Variants in SOX5 observed in about 807,000 individuals in gnomAD.
SOX5 encodes the protein transcription factor SOX-5.
In SOX5, 9 loss-of-function variants were observed where a neutral mutation model predicts 92.0. The ratio of observed to expected loss-of-function variants is 0.10; its 90% CI spans 0.06 to 0.17. The LOEUF is 0.17. Among genes scored for constraint, SOX5 ranks in the 10% least tolerant of loss-of-function variants. The pLI, the probability that SOX5 is intolerant of heterozygous loss-of-function variation, is 1.00. For missense variants in SOX5, 642 were observed against 944.5 expected (o/e 0.68, Z 4.20); for synonymous variants, 344 against 336.3 (o/e 1.02, Z -0.25).
chr12:23,797,912 T>C (rs1013534281), intron 3 of SOX5, among the ~76,000 whole-genome samples: 2 of 151,010 alleles, frequency 1.3e-5, no homozygotes, highest in Non-Finnish European at 3.0e-5. Flanking sequence ...GCTTCAAAAC[T>C]GTCAGGTCCT....
chr12:24,426,836 GC>G (rs1359841814), intron 1 of SOX5, among the ~76,000 whole-genome samples: 1 of 151,976 alleles, frequency 6.6e-6, no homozygotes, highest in Non-Finnish European at 1.5e-5. Context: ...TCTCTGGAAA[GC>G]CCTTGTCTTT....
At chr12:24,200,860 C>T (rs923789761) in intron 4 of SOX5, among the ~76,000 whole-genome samples, 1 of 152,200 alleles carries the variant, frequency 6.6e-6, no homozygotes, top group African/African-American at 2.4e-5. Context: ...AAACAATCCA[C>T]AGAATTTTAT....
At chr12:24,519,317 G>A (rs1950067832) in intron 1 of SOX5, among the ~76,000 whole-genome samples, 1 of 152,042 alleles carries the variant, frequency 6.6e-6, no homozygotes, top group Non-Finnish European at 1.5e-5. Context: ...CTCCTTAAAG[G>A]AGGCAAGAAA....
intron 2 of SOX5, among the ~76,000 whole-genome samples, chr12:24,316,650 GAATAATGAA>G (rs1949720819): frequency 6.6e-6 from 1 of 152,142 alleles, no homozygotes; most frequent in Non-Finnish European, 1.5e-5. Context: ...ATGTACATAG[GAATAATGAA>G]ATAGGACTGT....
intron 3 of SOX5, among the ~76,000 whole-genome samples, chr12:23,782,116 G>C (rs2095292647): frequency 1.3e-5 from 2 of 151,728 alleles, no homozygotes. Context: ...ATTAAGTAGT[G>C]GTATAATTTC....
At chr12:23,882,135 G>A (rs1163003650) in intron 2 of SOX5, among the ~76,000 whole-genome samples, 1 of 152,148 alleles carries the variant, frequency 6.6e-6, no homozygotes, top group African/African-American at 2.4e-5. Context: ...ATTTCTAACA[G>A]GCGAGCTGTT....
At chr12:23,741,115 T>C in intron 4 of SOX5, 76 bp from the exon 5 acceptor site, 1 of 1,086,600 alleles carries the variant, frequency 9.2e-7, no homozygotes, top group Non-Finnish European at 1.3e-6. Context: ...GGCTCTGTTG[T>C]ATACAGAGCC....
At chr12:23,755,580 T>G (rs930384276) in intron 4 of SOX5, 58 bp downstream of exon 4, 1 of 1,240,094 alleles carries the variant, frequency 8.1e-7, no homozygotes, top group Admixed American at 2.0e-5. Flanking sequence ...CCATTACTAT[T>G]TCTGAATATC....
chr12:24,033,550 A>C (rs900321123), intron 4 of SOX5, among the ~76,000 whole-genome samples: 6 of 152,038 alleles, frequency 3.9e-5, no homozygotes, highest in Non-Finnish European at 1.5e-5. Flanking sequence ...GAGGACCAGA[A>C]GTTTAATTCA....
chr12:24,058,410 G>A (rs1939002166), intron 4 of SOX5, among the ~76,000 whole-genome samples: 1 of 152,198 alleles, frequency 6.6e-6, no homozygotes, highest in Non-Finnish European at 1.5e-5. Context: ...TGCAGGCAGA[G>A]ACCAGTACTA....
intron 2 of SOX5, among the ~76,000 whole-genome samples, chr12:23,876,365 C>T (rs1049524991): frequency 6.6e-6 from 1 of 152,086 alleles, no homozygotes; most frequent in Non-Finnish European, 1.5e-5. Flanking sequence ...AGGCAATAAA[C>T]ATATGAAAAA....
chr12:23,746,216 G>A lies in SOX5; in HGVS notation c.569-5177C>T, dbSNP rs569702497. On this transcript the variant is annotated intron_variant, in intron 4 of 14. Transcript: ENST00000451604. ...ACTTAATAAGTGGTCTGTGAACAGC[G>A]GAGAAAGTAGCAAGAGTCACAAGAC... is the stretch of plus-strand genomic sequence containing the variant. Among the ~76,000 whole-genome samples, 85 of 152,212 alleles carry A rather than the reference G, an allele frequency of 5.6e-4. No homozygotes were observed. The Middle Eastern group carries it at 0.014, about 24-fold the overall frequency.
In SOX5 at chr12:23,601,636, A is replaced by T. The variant is rs138102313; in HGVS notation, c.1164+2751T>A. On this transcript the variant is annotated intron_variant, in intron 9 of 14. Transcript: ENST00000451604. ...TATGATAATAAATGATGGCTATTATACATGAATAAAATAGCTTTGTGAAGT... is the reference window on the plus strand; with the variant it reads ...TATGATAATAAATGATGGCTATTATTCATGAATAAAATAGCTTTGTGAAGT... 6.2e-3 allele frequency among the ~76,000 whole-genome samples: 942 copies of T among 152,360 alleles called. 3 individuals carry two copies. The highest frequency in any genetic ancestry group is 0.014 in the Middle Eastern group (4 of 294).
intron 4 of SOX5, among the ~76,000 whole-genome samples, chr12:24,173,202 C>A (rs577903566): frequency 1.3e-5 from 2 of 152,350 alleles, no homozygotes; most frequent in East Asian, 3.9e-4. Flanking sequence ...AGCCATAAAT[C>A]TTGCAAACTC....
At chr12:24,326,781 T>A in intron 2 of SOX5, among the ~76,000 whole-genome samples, 1 of 42,406 alleles carries the variant, frequency 2.4e-5, no homozygotes, top group Middle Eastern at 0.013. Flanking sequence ...CACCCATTCA[T>A]ACACACACAT....
At chr12:23,966,119 G>C (rs1947529297) in intron 4 of SOX5, among the ~76,000 whole-genome samples, 1 of 146,964 alleles carries the variant, frequency 6.8e-6, no homozygotes, top group Non-Finnish European at 1.5e-5. Context: ...GCCTAGGATT[G>C]TAGGGCAAGA....
intron 1 of SOX5, among the ~76,000 whole-genome samples, chr12:24,404,280 T>C (rs17508558): frequency 0.029 from 4,458 of 152,240 alleles, 107 homozygotes; most frequent in Middle Eastern, 0.048. Context: ...TAGATAGGAA[T>C]ATAGGTCAAA....
At chr12:23,796,007 T>C (rs942968355) in intron 3 of SOX5, among the ~76,000 whole-genome samples, 1 of 152,112 alleles carries the variant, frequency 6.6e-6, no homozygotes, top group African/African-American at 2.4e-5. Flanking sequence ...CTGCCTGATG[T>C]GCAGCTGTCA....
intron 3 of SOX5, among the ~76,000 whole-genome samples, chr12:23,782,491 A>G (rs1054350563): frequency 6.6e-6 from 1 of 152,178 alleles, no homozygotes; most frequent in Admixed American, 6.5e-5. Context: ...AGTTCCAAGT[A>G]TCTAAAACTT....
Sources: gnomAD v4.1 joint callset for allele counts (sites outside exome capture counted in the v4.1 genomes callset) on GRCh38, gnomAD v4.1.1 for gene constraint, MANE v1.5 for transcripts, NCBI Gene and HGNC (gene_info 2026-07-23, HGNC 2026-07-21) for gene names.